ITFG1: variants seen among roughly 807,000 people sequenced by gnomAD.
ITFG1 encodes the protein T-cell immunomodulatory protein.
Under a neutral mutation model 81.8 loss-of-function variants are expected in ITFG1, and 34 were observed. The ratio of observed to expected loss-of-function variants is 0.42; its 90% CI spans 0.32 to 0.55. ITFG1 has a LOEUF of 0.55. Among genes scored for constraint, ITFG1 ranks in the 20% least tolerant of loss-of-function variants. ITFG1 has a pLI of 0.17. For synonymous variants in ITFG1, 285 were observed against 270.6 expected (o/e 1.05, Z -0.52); for missense variants, 672 against 755.4 (o/e 0.89, Z 1.29).
At chr16:47,234,049 C>G (rs1289643502) in intron 13 of ITFG1, among the ~76,000 whole-genome samples, 2 of 152,182 alleles carry the variant, frequency 1.3e-5, no homozygotes, top group Admixed American at 6.5e-5. Flanking sequence ...AAAGGTCTAC[C>G]TTAGTTCCCT....
chr16:47,401,361 A>G (rs910644094), intron 6 of ITFG1, among the ~76,000 whole-genome samples: 1 of 152,194 alleles, frequency 6.6e-6, no homozygotes, highest in South Asian at 2.1e-4. Flanking sequence ...TAAATTTGGG[A>G]GCTGGTAGCA....
chr16:47,220,826 A>G (rs1965681727), intron 13 of ITFG1, among the ~76,000 whole-genome samples: 1 of 152,200 alleles, frequency 6.6e-6, no homozygotes, highest in South Asian at 2.1e-4. Flanking sequence ...GACCTCAAAA[A>G]AATCTGCTCC....
At chr16:47,250,823 AC>A (rs898988624) in intron 12 of ITFG1, among the ~76,000 whole-genome samples, 4 of 151,938 alleles carry the variant, frequency 2.6e-5, no homozygotes, top group Non-Finnish European at 4.4e-5. Context: ...ATGGGGGTGG[AC>A]CCCCCAGCAG....
intron 6 of ITFG1, among the ~76,000 whole-genome samples, chr16:47,408,462 G>A (rs1003774620): frequency 1.3e-5 from 2 of 152,194 alleles, no homozygotes; most frequent in Admixed American, 1.3e-4. Flanking sequence ...GCCATGTAAA[G>A]TGATATCTTT....
chr16:47,459,333 A>C (rs929279440), intron 1 of ITFG1, among the ~76,000 whole-genome samples, 158 bp from the exon 2 acceptor site: 3 of 152,210 alleles, frequency 2.0e-5, no homozygotes, highest in Non-Finnish European at 4.4e-5. Flanking sequence ...AGTCCAATGG[A>C]GATGCCTAAC....
intron 10 of ITFG1, among the ~76,000 whole-genome samples, chr16:47,306,303 A>G (rs1323894296): frequency 6.6e-6 from 1 of 152,194 alleles, no homozygotes; most frequent in Non-Finnish European, 1.5e-5. Context: ...TGACTGAGCT[A>G]TTAAACCACC....
chr16:47,392,236 G>A (rs1178729160), intron 6 of ITFG1, among the ~76,000 whole-genome samples: 1 of 152,120 alleles, frequency 6.6e-6, no homozygotes, highest in Non-Finnish European at 1.5e-5. Context: ...GCAACATAAA[G>A]AGACTCTGTC....
chr16:47,193,607 T>A (rs1223010506), intron 14 of ITFG1, among the ~76,000 whole-genome samples: 1 of 152,230 alleles, frequency 6.6e-6, no homozygotes, highest in South Asian at 2.1e-4. Context: ...AGTGGGAGGA[T>A]CTCTTGAGCC....
intron 16 of ITFG1, among the ~76,000 whole-genome samples, chr16:47,160,459 A>G (rs923558996): frequency 2.2e-4 from 34 of 152,118 alleles, no homozygotes; most frequent in Admixed American, 1.4e-3. Context: ...AGTGAAAAAA[A>G]ATCATGCTAC....
chr16:47,346,534 C>G (rs1399769194), intron 8 of ITFG1, among the ~76,000 whole-genome samples: 1 of 152,130 alleles, frequency 6.6e-6, no homozygotes, highest in African/African-American at 2.4e-5. Flanking sequence ...AAACTGTTAG[C>G]TAGACTAAGA....
intron 10 of ITFG1, among the ~76,000 whole-genome samples, chr16:47,304,540 C>T (rs529429763): frequency 1.2e-4 from 18 of 152,312 alleles, no homozygotes; most frequent in Non-Finnish European, 2.4e-4. Context: ...TCACAATGCA[C>T]GCTGACCTGA....
At chr16:47,360,734 C>T (rs558890459) in intron 8 of ITFG1, among the ~76,000 whole-genome samples, 1 of 152,248 alleles carries the variant, frequency 6.6e-6, no homozygotes, top group South Asian at 2.1e-4. Context: ...CCAGATCAAA[C>T]ATGAACAAGA....
chr16:47,238,114 AC>A, intron 12 of ITFG1, 106 bp from the exon 13 acceptor site: 1 of 634,932 alleles, frequency 1.6e-6, no homozygotes, highest in South Asian at 1.9e-5. Flanking sequence ...ATTCATAATC[AC>A]AAGCAGAAAC....
At chr16:47,189,652 C>G (rs1965268702) in intron 14 of ITFG1, among the ~76,000 whole-genome samples, 1 of 152,138 alleles carries the variant, frequency 6.6e-6, no homozygotes, top group Non-Finnish European at 1.5e-5. Context: ...ATGAATAATG[C>G]TGCTATGGAC....
At chr16:47,313,470 T>C (rs1358055661) in intron 9 of ITFG1, among the ~76,000 whole-genome samples, 3 of 152,338 alleles carry the variant, frequency 2.0e-5, no homozygotes, top group South Asian at 2.1e-4. Context: ...ATTCCTGGCA[T>C]ATAAAAAGCT....
intron 6 of ITFG1, among the ~76,000 whole-genome samples, chr16:47,391,942 G>A (rs990837420): frequency 1.3e-5 from 2 of 152,116 alleles, no homozygotes; most frequent in Admixed American, 6.5e-5. Flanking sequence ...TATATGCCAA[G>A]TACTGTTCTA....
chr16:47,324,173 G>A (rs1967493483), intron 8 of ITFG1, among the ~76,000 whole-genome samples: 1 of 151,958 alleles, frequency 6.6e-6, no homozygotes, highest in African/African-American at 2.4e-5. Context: ...GAGAGTGGGG[G>A]CCAATATTCA....
At chr16:47,245,916 G>A (rs1340697396) in intron 12 of ITFG1, among the ~76,000 whole-genome samples, 1 of 151,696 alleles carries the variant, frequency 6.6e-6, no homozygotes, top group Non-Finnish European at 1.5e-5. Context: ...GAACTCTTTT[G>A]CAAGACTATG....
intron 8 of ITFG1, among the ~76,000 whole-genome samples, chr16:47,317,028 C>G (rs1201567961): frequency 1.3e-5 from 2 of 152,114 alleles, no homozygotes; most frequent in African/African-American, 4.8e-5. Flanking sequence ...CTCAAAAACT[C>G]AAGAGAAACT....
Sources: gnomAD v4.1 joint callset for allele counts (sites outside exome capture counted in the v4.1 genomes callset) on GRCh38, gnomAD v4.1.1 for gene constraint, MANE v1.5 for transcripts, NCBI Gene and HGNC (gene_info 2026-07-23, HGNC 2026-07-21) for gene names.